The following LAPTM5 variants were observed in gnomAD, a reference collection of about 807,000 sequenced individuals.
The protein encoded by LAPTM5 is lysosomal-associated transmembrane protein 5.
A neutral mutation model predicts 30.1 loss-of-function variants in LAPTM5; 11 were observed. The observed-to-expected ratio is 0.37, with a 90% confidence interval of 0.23 to 0.60. LAPTM5 has a LOEUF of 0.60. Ranked by LOEUF, LAPTM5 falls within the 20% of genes least tolerant of loss-of-function variation. LAPTM5 has a pLI of 0.71. For synonymous variants in LAPTM5, 151 were observed against 137.9 expected (o/e 1.10, Z -0.67); for missense variants, 324 against 332.5 (o/e 0.97, Z 0.20).
At position 30,738,977 on chromosome 1, in the gene LAPTM5, A is replaced by C. The variant is rs752782257; in HGVS notation, c.473T>G (p.Val158Gly). Reference protein sequence around the residue: ...ILTLCSSYMEVPTYLNFKSMN... With the variant: ...ILTLCSSYMEGPTYLNFKSMN... ...GGACTTGAAGTTGAGATAGGTGGGC[A>C]CTTCCATGTAGGAGCTGCAGAGGGT... The change falls in exon 5 of 8, where the codon GTG becomes GGG. Residue 158 changes from valine to glycine, a missense_variant. Physicochemically the swap from Val to Gly is moderately radical, Grantham distance 109. Coordinates refer to ENST00000294507, the MANE Select transcript of LAPTM5 (RefSeq NM_006762.3). 1.6e-5 allele frequency: 25 copies of C among 1,608,034 alleles called. No individual in the cohort carries two copies. Among genetic ancestry groups the C allele is most frequent in the Non-Finnish European group, 2.1e-5 (25 of 1,177,788 alleles).
intron 1 of LAPTM5, among the ~76,000 whole-genome samples, chr1:30,745,207 C>T (rs1280419704): frequency 1.3e-5 from 2 of 152,232 alleles, no homozygotes; most frequent in Non-Finnish European, 2.9e-5. Flanking sequence ...ATTCTTAATA[C>T]TTTCCTTCCC....
chr1:30,733,597 G>C lies in LAPTM5; in HGVS notation c.*231C>G. ...TGATTGAAATAAACCAAGCATTGTT[G>C]GGCTGAATTATGGAGAGACCCGAGG... On this transcript the variant is annotated 3_prime_UTR_variant, in exon 8 of 8. Coordinates refer to ENST00000294507, the MANE Select transcript of LAPTM5 (RefSeq NM_006762.3). 2.0e-6 allele frequency: 3 copies of C among 1,525,830 alleles called. No homozygotes were observed. Among genetic ancestry groups the C allele is most frequent in the Non-Finnish European group, 2.6e-6 (3 of 1,140,906 alleles). The allele number at this position is 1,525,830 out of a possible 1,614,324, so 94.5% of individuals were successfully genotyped here. A position where few individuals can be genotyped will look rare whatever the true frequency, so the allele number is the denominator to read the frequency against.
rs1027126991 is a variant in LAPTM5 at position 30,740,485 on chromosome 1, A to G, written c.259-548T>C. Among the ~76,000 whole-genome samples the G allele has an allele frequency of 8.0e-5, 12 of 150,528 alleles. No homozygotes were observed. The Admixed American group carries it at 8.0e-4, about 10-fold the overall frequency. On this transcript the variant is annotated intron_variant, in intron 3 of 7. Transcript: ENST00000294507. ...ACTCCCAGGGGTCCAAAGTCACAGT[A>G]AGAGGCCCTGCCAGGAAGAGGCTGA...
rs368516455 is a variant in LAPTM5 at position 30,739,276 on chromosome 1, G to A, written c.388-214C>T. 63 of 523,128 alleles carry A rather than the reference G, an allele frequency of 1.2e-4. No homozygotes were observed. The highest frequency in any genetic ancestry group is 6.9e-4 in the African/African-American group (36 of 51,842). The allele number at this position is 523,128 out of a possible 1,614,324, so 32.4% of individuals were successfully genotyped here. A position where few individuals can be genotyped will look rare whatever the true frequency, so the allele number is the denominator to read the frequency against. ...CTAGAACCAAGGTCTCCAGACTCCC[G>A]GGCCAGGGCCCTTCCATGATGTAGC... On this transcript the variant is annotated intron_variant, in intron 4 of 7. Transcript: ENST00000294507. The surrounding 1 kb of genome is among the most constrained non-coding windows in gnomAD (Gnocchi z 4.2).
chr1:30,746,442 T>C lies in LAPTM5; in HGVS notation c.88-3893A>G, dbSNP rs1188352. On this transcript the variant is annotated intron_variant, in intron 1 of 7. Transcript: ENST00000294507. The surrounding 1 kb of genome is among the most constrained non-coding windows in gnomAD (Gnocchi z 4.0). ...CTACAGAGTATGCAGACAGTCAACA[T>C]TTCCAAGCCTCCAAGCCCTTGCCTT... Among the ~76,000 whole-genome samples the C allele has an allele frequency of 0.077, 11,646 of 152,076 alleles. 658 individuals carry two copies. The highest frequency in any genetic ancestry group is 0.18 in the Admixed American group (2,721 of 15,290).
intron 1 of LAPTM5, among the ~76,000 whole-genome samples, chr1:30,755,073 T>G (rs1640191694): frequency 6.6e-6 from 1 of 152,172 alleles, no homozygotes; most frequent in South Asian, 2.1e-4. Context: ...TGGAGTCAAC[T>G]GAGGACCACA....
chr1:30,735,128 A>G, intron 7 of LAPTM5, 45 bp downstream of exon 7: 1 of 1,383,524 alleles, frequency 7.2e-7, no homozygotes, highest in South Asian at 1.2e-5. Context: ...CAAATGGCAC[A>G]GGGAGTTAGT....
rs761275022 is a variant in LAPTM5 at position 30,757,648 on chromosome 1, C to A, written c.87+11G>T. On this transcript the variant is annotated intron_variant, in intron 1 of 7. Coordinates refer to ENST00000294507, the MANE Select transcript of LAPTM5 (RefSeq NM_006762.3). The stretch of plus-strand genomic sequence containing the variant: ...CACGCACGCACACACACCCGGGGCC[C>A]GCACACTCACCACATGGTAGATGGC... 3 of 1,612,596 alleles carry A rather than the reference C, an allele frequency of 1.9e-6. No individual in the cohort carries two copies. The Admixed American group carries it at 5.0e-5, about 27-fold the overall frequency.
At chr1:30,742,204 T>C (rs999958560) in intron 2 of LAPTM5, 2 of 553,360 alleles carry the variant, frequency 3.6e-6, no homozygotes, top group Non-Finnish European at 6.5e-6. Context: ...GCTATCACCT[T>C]TACCAGCTGG....
In LAPTM5 at chr1:30,739,760, C is replaced by A; in HGVS notation, c.387+49G>T. 6.5e-7 allele frequency: 1 copy of A among 1,533,122 alleles called. No individual in the cohort carries two copies. Among genetic ancestry groups the A allele is most frequent in the East Asian group, 2.4e-5 (1 of 41,070 alleles). The allele number at this position is 1,533,122 out of a possible 1,614,324, so 95.0% of individuals were successfully genotyped here. On this transcript the variant is annotated intron_variant, in intron 4 of 7. Transcript: ENST00000294507. The surrounding 1 kb of genome is among the most constrained non-coding windows in gnomAD (Gnocchi z 4.2). ...GTCTGGTCCCCTCCCATCTCCCATG[C>A]CAGACCTGGGCTCTGCTGTCCGGTG... is the stretch of plus-strand genomic sequence containing the variant.
In LAPTM5 at chr1:30,733,064, G is replaced by A. The variant is rs1253229841; in HGVS notation, c.*764C>T. Reference sequence around the variant, plus strand: ...GGGACTGTTTTATGATGAAATAACTGTTATTTCCTGGAGCTAATTGTTGAA... The same window carrying A: ...GGGACTGTTTTATGATGAAATAACTATTATTTCCTGGAGCTAATTGTTGAA... On this transcript the variant is annotated 3_prime_UTR_variant, in exon 8 of 8. Transcript: ENST00000294507. 1 of 155,072 alleles carries A rather than the reference G, an allele frequency of 6.4e-6. No homozygotes were observed. The highest frequency in any genetic ancestry group is 1.9e-4 in the East Asian group (1 of 5,254). The allele number at this position is 155,072 out of a possible 1,614,324, so 9.6% of individuals were successfully genotyped here. A position where few individuals can be genotyped will look rare whatever the true frequency, so the allele number is the denominator to read the frequency against.
chr1:30,749,291 A>G (rs12077548), intron 1 of LAPTM5, among the ~76,000 whole-genome samples: 2,040 of 152,280 alleles, frequency 0.013, 36 homozygotes, highest in African/African-American at 0.044. Flanking sequence ...CTACAGATGT[A>G]TGTATTATAG....
intron 1 of LAPTM5, chr1:30,745,939 G>A (rs1038599758): frequency 7.2e-5 from 11 of 152,264 alleles, no homozygotes; most frequent in African/African-American, 9.7e-5. Context: ...CACGTGGCCC[G>A]GCTGGGGTGT....
At chr1:30,737,540 G>A in intron 6 of LAPTM5, 64 bp downstream of exon 6, 3 of 1,200,198 alleles carry the variant, frequency 2.5e-6, no homozygotes, top group East Asian at 2.4e-5. Flanking sequence ...CTTGGCATGG[G>A]CAGGCCTGGG....
intron 1 of LAPTM5, among the ~76,000 whole-genome samples, chr1:30,744,415 C>G (rs1640015270): frequency 6.6e-6 from 1 of 152,102 alleles, no homozygotes; most frequent in Non-Finnish European, 1.5e-5. Flanking sequence ...AACGGGGTGT[C>G]CTGTGAAGTG....
rs1258057867 is a variant in LAPTM5 at position 30,739,499 on chromosome 1, C to T, written c.387+310G>A. Among the ~76,000 whole-genome samples, 2 of 152,070 alleles carry T rather than the reference C, an allele frequency of 1.3e-5. No individual in the cohort carries two copies. Reference sequence around the variant, plus strand: ...GCTGGGGGCTAAAAAGCGCACATGTCCTTTCCTCAGGTGTCAATTCACTCC... The same window carrying T: ...GCTGGGGGCTAAAAAGCGCACATGTTCTTTCCTCAGGTGTCAATTCACTCC... On this transcript the variant is annotated intron_variant, in intron 4 of 7. Transcript: ENST00000294507. The surrounding 1 kb of genome is among the most constrained non-coding windows in gnomAD (Gnocchi z 4.2).
At chr1:30,737,856 C>G (rs1639910967) in intron 5 of LAPTM5, among the ~76,000 whole-genome samples, 157 bp from the exon 6 acceptor site, 1 of 152,212 alleles carries the variant, frequency 6.6e-6, no homozygotes, top group African/African-American at 2.4e-5. Flanking sequence ...CCTTAGGAAG[C>G]AGGTGCTACC....
intron 1 of LAPTM5, among the ~76,000 whole-genome samples, chr1:30,750,639 AC>A (rs566980978): frequency 1.3e-4 from 20 of 151,422 alleles, no homozygotes; most frequent in African/African-American, 3.6e-4. Flanking sequence ...GGCAGAGCTG[AC>A]CCCCTCCCCC....
chr1:30,743,536 A>T (rs76985979), intron 1 of LAPTM5, among the ~76,000 whole-genome samples: 2 of 152,116 alleles, frequency 1.3e-5, no homozygotes, highest in Non-Finnish European at 2.9e-5. Context: ...GCCATGGGGA[A>T]CTCACAACCT....
Sources: gnomAD v4.1 joint callset for allele counts (sites outside exome capture counted in the v4.1 genomes callset) on GRCh38, gnomAD v4.1.1 for gene constraint, Gnocchi (gnomAD v3.1) non-coding constraint, MANE v1.5 for transcripts, NCBI Gene and HGNC (gene_info 2026-07-23, HGNC 2026-07-21) for gene names.